MBNL1: variants seen among roughly 807,000 people sequenced by gnomAD.
MBNL1 encodes the protein muscleblind like splicing regulator 1.
MBNL1 carries 8 observed loss-of-function variants against 42.2 expected under a neutral mutation model. The observed-to-expected ratio is 0.19, with a 90% CI of 0.11 to 0.34. MBNL1 has a LOEUF of 0.34. MBNL1 is among the 10% of genes least tolerant of loss of function. The probability of loss-of-function intolerance (pLI) is 1.00; values close to 1 mark genes in which losing one functional copy is unlikely to be tolerated. For missense variants in MBNL1, 309 were observed against 495.3 expected (o/e 0.62, Z 3.57); for synonymous variants, 169 against 173.9 (o/e 0.97, Z 0.22).
In MBNL1 at chr3:152,329,159, T is replaced by A. The variant is rs1283802445; in HGVS notation, c.174+28792T>A. On this transcript the variant is annotated intron_variant, in intron 2 of 9. Coordinates refer to ENST00000324210, the MANE Select transcript of MBNL1 (RefSeq NM_021038.5). ...AAGTGCTAGGGCTAAAAGACAGATG[T>A]GAGCTTATTTGGGAGCTAAACTGGG... Among the ~76,000 whole-genome samples the A allele has an allele frequency of 2.6e-5, 4 of 152,190 alleles. No individual in the cohort carries two copies. The East Asian group carries it at 7.7e-4, about 29-fold the overall frequency.
Position 152,344,964 on chromosome 3 carries a change from A to G in MBNL1, c.174+44597A>G, listed in dbSNP as rs181722003. ...GTCATACTAGAGTAGAAATTACGTG[A>G]CATTAATTCTCTGTAATTCTCTATT... On this transcript the variant is annotated intron_variant, in intron 2 of 9. Coordinates refer to ENST00000324210, the MANE Select transcript of MBNL1 (RefSeq NM_021038.5). Among the ~76,000 whole-genome samples the G allele has an allele frequency of 3.9e-5, 6 of 152,252 alleles. No individual in the cohort carries two copies. In the East Asian group the frequency reaches 1.2e-3, roughly 29 times the overall value.
chr3:152,349,602 T>C (rs976478038), intron 2 of MBNL1, among the ~76,000 whole-genome samples: 11 of 152,186 alleles, frequency 7.2e-5, no homozygotes, highest in African/African-American at 2.4e-4. Flanking sequence ...TTCTGACTTA[T>C]CCATTAGTCA....
chr3:152,330,406 G>A (rs2083529262), intron 2 of MBNL1, among the ~76,000 whole-genome samples: 1 of 152,002 alleles, frequency 6.6e-6, no homozygotes, highest in Non-Finnish European at 1.5e-5. Flanking sequence ...GCCACCTCTG[G>A]GGTTATATTA....
chr3:152,428,323 G>A (rs2098962769), intron 3 of MBNL1, among the ~76,000 whole-genome samples: 1 of 152,164 alleles, frequency 6.6e-6, no homozygotes, highest in Admixed American at 6.5e-5. Flanking sequence ...GCAAAAGTCT[G>A]CCCTCTAGGA....
chr3:152,431,960 G>T (rs2153749890), intron 3 of MBNL1, among the ~76,000 whole-genome samples: 2 of 152,300 alleles, frequency 1.3e-5, no homozygotes, highest in Admixed American at 1.3e-4. Context: ...ATTCTGTCTT[G>T]TAGCAGTTTA....
At chr3:152,279,552 C>T (rs935920713) in intron 1 of MBNL1, among the ~76,000 whole-genome samples, 6 of 151,936 alleles carry the variant, frequency 3.9e-5, no homozygotes, top group Non-Finnish European at 7.4e-5. Context: ...TTACAAATAG[C>T]GTATCGTTTG....
At chr3:152,361,747 T>G (rs2153138265) in intron 2 of MBNL1, among the ~76,000 whole-genome samples, 1 of 152,300 alleles carries the variant, frequency 6.6e-6, no homozygotes, top group Middle Eastern at 3.4e-3. Flanking sequence ...TCTTGATGTC[T>G]TGATAGTTTT....
At chr3:152,340,966 C>T in intron 2 of MBNL1, 1 of 1,501,782 alleles carries the variant, frequency 6.7e-7, no homozygotes, top group South Asian at 1.4e-5. Context: ...TACCACTTTC[C>T]TGAAGGTCTG....
intron 2 of MBNL1, among the ~76,000 whole-genome samples, chr3:152,393,319 A>T (rs921396211): frequency 1.3e-5 from 2 of 152,266 alleles, no homozygotes; most frequent in African/African-American, 4.8e-5. Flanking sequence ...GCTTGCAGCT[A>T]CAGTCTATCT....
intron 2 of MBNL1, among the ~76,000 whole-genome samples, chr3:152,331,781 C>T (rs1447392884): frequency 6.6e-6 from 1 of 152,048 alleles, no homozygotes; most frequent in Non-Finnish European, 1.5e-5. Context: ...ACCTCTGCCT[C>T]CTGAGTTCAA....
chr3:152,460,365 T>C (rs1250243237), intron 9 of MBNL1, among the ~76,000 whole-genome samples: 2 of 151,388 alleles, frequency 1.3e-5, no homozygotes, highest in Admixed American at 1.3e-4. Flanking sequence ...TTTAAAGTAG[T>C]TACCTCAGAG....
chr3:152,317,599 C>G (rs187506150), intron 2 of MBNL1, among the ~76,000 whole-genome samples: 2 of 152,232 alleles, frequency 1.3e-5, no homozygotes, highest in Non-Finnish European at 2.9e-5. Context: ...GGATTACAGG[C>G]GTGAGCCACC....
chr3:152,246,399 C>T (rs994184754), intron 2 of MBNL1, among the ~76,000 whole-genome samples: 9 of 151,994 alleles, frequency 5.9e-5, no homozygotes, highest in South Asian at 4.1e-4. Flanking sequence ...TCTGAATGAA[C>T]ATCCTAGTTC....
intron 2 of MBNL1, among the ~76,000 whole-genome samples, chr3:152,331,660 C>T (rs2084634767): frequency 6.6e-6 from 1 of 151,972 alleles, no homozygotes; most frequent in East Asian, 1.9e-4. Flanking sequence ...AAGCTGTTAC[C>T]TTACTCATTT....
At position 152,336,649 on chromosome 3, in the gene MBNL1, T is replaced by TA. The variant is rs550461626; in HGVS notation, c.174+36283dup. Reference sequence around the variant, plus strand: ...ACTTAACATGTCATAAGGTGGGAGTTACTTCATTTTATAACAATGTCTAAC... The same window carrying TA: ...ACTTAACATGTCATAAGGTGGGAGTTAACTTCATTTTATAACAATGTCTAAC... On this transcript the variant is annotated intron_variant, in intron 2 of 9. Coordinates refer to ENST00000324210, the MANE Select transcript of MBNL1 (RefSeq NM_021038.5). 3.3e-4 allele frequency among the ~76,000 whole-genome samples: 50 copies of TA among 152,334 alleles called. No homozygotes were observed. In the South Asian group the frequency reaches 0.01, roughly 32 times the overall value.
intron 4 of MBNL1, among the ~76,000 whole-genome samples, chr3:152,443,180 A>AC (rs34456724): frequency 2.8e-4 from 40 of 142,642 alleles, no homozygotes; most frequent in African/African-American, 4.6e-4. Flanking sequence ...ACCTGTAGAA[A>AC]CCCCCCCCCC....
At chr3:152,386,141 A>G (rs1250507042) in intron 2 of MBNL1, among the ~76,000 whole-genome samples, 2 of 152,084 alleles carry the variant, frequency 1.3e-5, no homozygotes, top group Non-Finnish European at 2.9e-5. Context: ...CTTTGGGGAA[A>G]AAAAGCTCAA....
intron 2 of MBNL1, among the ~76,000 whole-genome samples, chr3:152,254,538 A>G (rs1229580370): frequency 6.6e-6 from 1 of 152,074 alleles, no homozygotes; most frequent in Non-Finnish European, 1.5e-5. Context: ...CCTCACATCT[A>G]TGCTTATTTT....
intron 2 of MBNL1, among the ~76,000 whole-genome samples, chr3:152,306,515 C>G (rs2063210398): frequency 6.6e-6 from 1 of 152,176 alleles, no homozygotes; most frequent in Non-Finnish European, 1.5e-5. Context: ...TCCTTTTAAG[C>G]AAAGGTTCTC....
Sources: gnomAD v4.1 joint callset for allele counts (sites outside exome capture counted in the v4.1 genomes callset) on GRCh38, gnomAD v4.1.1 for gene constraint, MANE v1.5 for transcripts, NCBI Gene and HGNC (gene_info 2026-07-23, HGNC 2026-07-21) for gene names.